Variants in CACNA1C observed in about 807,000 individuals in gnomAD.
CACNA1C encodes the protein calcium voltage-gated channel subunit alpha1 C.
A neutral mutation model predicts 229.0 loss-of-function variants in CACNA1C; 30 were observed. The ratio of observed to expected loss-of-function variants is 0.13; its 90% CI spans 0.10 to 0.18. The LOEUF (loss-of-function observed/expected upper bound fraction) is 0.18, where lower values mean the gene tolerates loss of function less well. Ranked by LOEUF, CACNA1C falls within the 10% of genes least tolerant of loss-of-function variation. The pLI is 1.00. For missense variants in CACNA1C, 1,658 were observed against 2,845.0 expected (o/e 0.58, Z 9.49); for synonymous variants, 1,114 against 1,132.5 (o/e 0.98, Z 0.33).
intron 1 of CACNA1C, among the ~76,000 whole-genome samples, chr12:2,103,736 C>T (rs775203717): frequency 6.6e-6 from 1 of 152,160 alleles, no homozygotes. Context: ...TTTAATCCAT[C>T]TTAAGTTAAT....
intron 3 of CACNA1C, among the ~76,000 whole-genome samples, chr12:2,392,872 A>G (rs1247663612): frequency 6.6e-6 from 1 of 152,146 alleles, no homozygotes. Context: ...TATGGCAGCT[A>G]GGGAGCTTTT....
rs786205756 is a variant in CACNA1C at position 2,597,231 on chromosome 12, T to C, written c.2795T>C (p.Ile932Thr). The C allele has an allele frequency of 5.0e-6, 8 of 1,605,806 alleles. No homozygotes were observed. Among genetic ancestry groups the C allele is most frequent in the African/African-American group, 1.3e-5 (1 of 74,742 alleles). Residue 932 changes from isoleucine (I) to threonine (T), a missense_variant and splice_region_variant, in exon 21 of 47, where the codon ATT (isoleucine) becomes ACT (threonine). Around this residue, in one of 20 missense-constraint regions of CACNA1C, gnomAD observed 52 missense variants for 99.0 expected, o/e 0.53. Coordinates refer to ENST00000399655, the MANE Select transcript of CACNA1C (RefSeq NM_000719.7). The surrounding 1 kb of genome is among the most constrained non-coding windows in gnomAD (Gnocchi z 4.3). Reference sequence around the variant, plus strand: ...ACCCTGTTCCTTTTTGTTTTGCAGATTCTGTTTTATTTTGATATTGTTTTT... The same window carrying C: ...ACCCTGTTCCTTTTTGTTTTGCAGACTCTGTTTTATTTTGATATTGTTTTT... ...PVQHTSFRNH[I>T]LFYFDIVFTT...
At chr12:2,359,538 A>ATTTTTTTT (rs200608699) in intron 3 of CACNA1C, among the ~76,000 whole-genome samples, 3 of 143,494 alleles carry the variant, frequency 2.1e-5, no homozygotes, top group Non-Finnish European at 3.1e-5. Context: ...TTGGAGCAGG[A>ATTTTTTTT]TTTTTTTTTT....
chr12:1,986,965 C>T (rs986373717), intron 1 of CACNA1C, among the ~76,000 whole-genome samples: 4 of 152,032 alleles, frequency 2.6e-5, no homozygotes, highest in Non-Finnish European at 5.9e-5. Flanking sequence ...TGAAACATCC[C>T]AAGTAACACA....
intron 11 of CACNA1C, among the ~76,000 whole-genome samples, chr12:2,565,249 A>ACT (rs1204944476): frequency 1.3e-5 from 2 of 151,436 alleles, no homozygotes; most frequent in Non-Finnish European, 2.9e-5. Flanking sequence ...CGGGTGGATC[A>ACT]TGAGGTCAGG....
intron 3 of CACNA1C, among the ~76,000 whole-genome samples, chr12:2,255,880 C>CAACCCT: frequency 6.6e-6 from 1 of 152,252 alleles, no homozygotes. Context: ...TACAATCACA[C>CAACCCT]GACCCTGACC....
In CACNA1C at chr12:2,693,211, G is replaced by C. The variant is rs913450831; in HGVS notation, c.*2012G>C. On this transcript the variant is annotated 3_prime_UTR_variant, in exon 47 of 47. Coordinates refer to ENST00000399655, the MANE Select transcript of CACNA1C (RefSeq NM_000719.7). ...TCTTCACTCTGTCCACTCTGCTCTG[G>C]TCATCTGATTTGGTACTTCTCCAAG... 2 of 152,104 alleles carry C rather than the reference G, an allele frequency of 1.3e-5. No homozygotes were observed. Among genetic ancestry groups the C allele is most frequent in the Non-Finnish European group, 2.9e-5 (2 of 68,038 alleles). 9.4% of individuals were successfully genotyped at this position (152,104 alleles called of 1,614,324 possible).
intron 34 of CACNA1C, among the ~76,000 whole-genome samples, chr12:2,658,477 C>T (rs573790704): frequency 8.1e-4 from 124 of 152,274 alleles, no homozygotes; most frequent in African/African-American, 2.9e-3. Flanking sequence ...CTCAGGTGTT[C>T]GTGGTGCTGC....
chr12:2,667,537 AAACAAC>A (rs201629283), intron 37 of CACNA1C, among the ~76,000 whole-genome samples: 1 of 152,152 alleles, frequency 6.6e-6, no homozygotes, highest in African/African-American at 2.4e-5. Flanking sequence ...AAAAACAAAC[AAACAAC>A]AACAACAACA....
intron 9 of CACNA1C, among the ~76,000 whole-genome samples, chr12:2,515,801 A>G (rs1249923942): frequency 1.3e-5 from 2 of 152,202 alleles, no homozygotes; most frequent in African/African-American, 4.8e-5. Context: ...ACAGAAAGAA[A>G]GCGTGCAGTT....
chr12:2,382,603 T>C (rs1242806730), intron 3 of CACNA1C, among the ~76,000 whole-genome samples: 1 of 152,164 alleles, frequency 6.6e-6, no homozygotes, highest in Non-Finnish European at 1.5e-5. Flanking sequence ...TCTGAGCTTA[T>C]GTGAACATCG....
At chr12:2,187,515 G>A (rs1267051379) in intron 3 of CACNA1C, among the ~76,000 whole-genome samples, 1 of 131,914 alleles carries the variant, frequency 7.6e-6, no homozygotes, top group Admixed American at 7.4e-5. Context: ...TCCCAAGGCT[G>A]AGCATCTGCG....
intron 1 of CACNA1C, chr12:2,004,210 A>C (rs746874257): frequency 6.3e-7 from 1 of 1,584,700 alleles, no homozygotes. Flanking sequence ...CCGGGTCCTC[A>C]AGTCCTGAGT....
At chr12:2,202,765 A>G (rs2097628728) in intron 3 of CACNA1C, among the ~76,000 whole-genome samples, 1 of 152,156 alleles carries the variant, frequency 6.6e-6, no homozygotes, top group Admixed American at 6.5e-5. Context: ...TTCATGAGCA[A>G]CTTCTGAGCT....
Position 2,410,698 on chromosome 12 carries a change from C to CTGTG in CACNA1C, c.478-38265_478-38262dup, listed in dbSNP as rs150253871. ...GACTCTAGCTGTGAGGATGGCTCGC[C>CTGTG]TGTGTGTGTGTGTGTGCGTGCACGC... On this transcript the variant is annotated intron_variant, in intron 3 of 46. Transcript: ENST00000399655. The surrounding 1 kb of genome is among the most constrained non-coding windows in gnomAD (Gnocchi z 5.3). Among the ~76,000 whole-genome samples the CTGTG allele has an allele frequency of 3.0e-5, 4 of 131,176 alleles. No homozygotes were observed. Among genetic ancestry groups the CTGTG allele is most frequent in the African/African-American group, 9.0e-5 (3 of 33,418 alleles). The allele number at this position is 131,176 out of a possible 152,430, so 86.1% of individuals were successfully genotyped here. A position where few individuals can be genotyped will look rare whatever the true frequency, so the allele number is the denominator to read the frequency against.
At position 2,601,131 on chromosome 12, in the gene CACNA1C, A is replaced by G. The variant is rs560582944; in HGVS notation, c.2854-723A>G. Among the ~76,000 whole-genome samples, 1 of 152,338 alleles carries G rather than the reference A, an allele frequency of 6.6e-6. No individual in the cohort carries two copies. Among genetic ancestry groups the G allele is most frequent in the East Asian group, 1.9e-4 (1 of 5,180 alleles). ...GATCACACAACTTTTGCCCTTAAAG[A>G]ACTCCAGATGTAGTCTAGAAGCAGG... is the stretch of plus-strand genomic sequence containing the variant. On this transcript the variant is annotated intron_variant, in intron 21 of 46. Transcript: ENST00000399655. This position sits in a 1 kb window ranked among gnomAD's most constrained non-coding sequence, Gnocchi z 5.9.
intron 3 of CACNA1C, among the ~76,000 whole-genome samples, chr12:2,310,581 C>T (rs2095382910): frequency 6.6e-6 from 1 of 152,118 alleles, no homozygotes; most frequent in South Asian, 2.1e-4. Flanking sequence ...AGCCCCAGCC[C>T]TCCATTTTTA....
In CACNA1C at chr12:2,566,692, C is replaced by A; in HGVS notation, c.1669+110C>A. The A allele has an allele frequency of 5.4e-6, 5 of 934,518 alleles. No homozygotes were observed. The highest frequency in any genetic ancestry group is 3.6e-5 in the South Asian group (2 of 55,706). 57.9% of individuals were successfully genotyped at this position (934,518 alleles called of 1,614,324 possible). A position where few individuals can be genotyped will look rare whatever the true frequency, so the allele number is the denominator to read the frequency against. ...GGTGGAGGGGAAAGCAGCCAATGGT[C>A]GGGGCTCTTGGCAGGTGCTGTGCTG... On this transcript the variant is annotated intron_variant, in intron 12 of 46. Coordinates refer to ENST00000399655, the MANE Select transcript of CACNA1C (RefSeq NM_000719.7). The surrounding 1 kb of genome is among the most constrained non-coding windows in gnomAD (Gnocchi z 4.0).
At chr12:2,640,499 T>C (rs1174740305) in intron 30 of CACNA1C, among the ~76,000 whole-genome samples, 11 of 152,164 alleles carry the variant, frequency 7.2e-5, no homozygotes, top group Admixed American at 6.5e-5. Context: ...CGGATCCGTG[T>C]CTCTGGTTAC....
Sources: allele counts gnomAD v4.1 joint callset (sites outside exome capture counted in the v4.1 genomes callset), GRCh38; gene constraint gnomAD v4.1.1; regional missense constraint gnomAD v4.1.1; non-coding constraint Gnocchi (gnomAD v3.1); transcripts MANE v1.5; gene names NCBI Gene and HGNC (gene_info 2026-07-23, HGNC 2026-07-21).